The following XPO6 variants were observed in gnomAD, a reference collection of about 807,000 sequenced individuals.
The protein encoded by XPO6 is exportin 6.
A neutral mutation model predicts 130.0 loss-of-function variants in XPO6; 3 were observed. The ratio of observed to expected loss-of-function variants is 0.02; its 90% CI spans 0.01 to 0.06. The LOEUF is 0.06. Among genes scored for constraint, XPO6 ranks in the 10% least tolerant of loss-of-function variants. The probability of loss-of-function intolerance (pLI) is 1.00; values close to 1 mark genes in which losing one functional copy is unlikely to be tolerated. For missense variants in XPO6, 970 were observed against 1,393.0 expected, an observed-to-expected ratio of 0.70 and a Z score of 4.83; for synonymous variants, 524 against 548.9, an observed-to-expected ratio of 0.95 and a Z score of 0.63.
Position 28,132,263 on chromosome 16 carries a change from A to G in XPO6, c.1606+71T>C. ...GAAATCATGTTCCGACAGCAACGGC[A>G]GCAGTAATGAAATATCAGTCCGATG... On this transcript the variant is annotated intron_variant, in intron 12 of 23. Coordinates refer to ENST00000304658, the MANE Select transcript of XPO6 (RefSeq NM_015171.4). This position sits in a 1 kb window ranked among gnomAD's most constrained non-coding sequence, Gnocchi z 4.0. 8.7e-7 allele frequency: 1 copy of G among 1,154,362 alleles called. No homozygotes were observed. Among genetic ancestry groups the G allele is most frequent in the Non-Finnish European group, 1.3e-6 (1 of 788,458 alleles). 71.5% of individuals were successfully genotyped at this position (1,154,362 alleles called of 1,614,324 possible). A position where few individuals can be genotyped will look rare whatever the true frequency, so the allele number is the denominator to read the frequency against.
chr16:28,108,907 G>T (rs918082471), intron 17 of XPO6, among the ~76,000 whole-genome samples: 2 of 152,194 alleles, frequency 1.3e-5, no homozygotes, highest in African/African-American at 4.8e-5. Context: ...GAAGGAAGAC[G>T]CTTCTCGCCA....
At position 28,121,725 on chromosome 16, in the gene XPO6, A is replaced by G. The variant is rs538787302; in HGVS notation, c.1804T>C (p.Leu602=). 3 of 1,614,108 alleles carry G rather than the reference A, an allele frequency of 1.9e-6. No homozygotes were observed. Among genetic ancestry groups the G allele is most frequent in the East Asian group, 4.5e-5 (2 of 44,882 alleles). Reference sequence around the variant, plus strand: ...GGCACAGCAGTTTCAATGTTGTACAATTTTATCTGAGATCCGTACAGAGTG... The same window carrying G: ...GGCACAGCAGTTTCAATGTTGTACAGTTTTATCTGAGATCCGTACAGAGTG... ...KVTLYGSQIK[L]YNIETAVPSV... is the part of the protein sequence containing the mutation. The change falls in exon 14 of 24, where the codon TTG becomes CTG. Residue 602 remains leucine (L), a synonymous_variant. Transcript: ENST00000304658.
intron 4 of XPO6, among the ~76,000 whole-genome samples, chr16:28,174,638 T>C (rs1190277562): frequency 1.3e-5 from 2 of 152,232 alleles, no homozygotes; most frequent in African/African-American, 4.8e-5. Flanking sequence ...GAAGAATTTT[T>C]GTGCCCCTTT....
chr16:28,102,940 G>C (rs1334442197), intron 21 of XPO6, among the ~76,000 whole-genome samples: 1 of 152,122 alleles, frequency 6.6e-6, no homozygotes, highest in African/African-American at 2.4e-5. Context: ...TAAGCTACCA[G>C]AGGAGGATCT....
At chr16:28,194,580 G>A (rs1466162336) in intron 1 of XPO6, among the ~76,000 whole-genome samples, 1 of 152,106 alleles carries the variant, frequency 6.6e-6, no homozygotes, top group African/African-American at 2.4e-5. Flanking sequence ...CCCAAACCTA[G>A]TGTCTGTGAC....
At chr16:28,105,706 C>A in intron 20 of XPO6, 1 of 214,078 alleles carries the variant, frequency 4.7e-6, no homozygotes. Context: ...ATCCTCGAGA[C>A]CATGAATGTT....
At chr16:28,186,374 C>CTTTTTTTTTTTTTTTGTTTTTTTTTTT (rs2043694375) in intron 1 of XPO6, among the ~76,000 whole-genome samples, 1 of 81,442 alleles carries the variant, frequency 1.2e-5, no homozygotes, top group African/African-American at 6.6e-5. Context: ...CCCAGTTATT[C>CTTTTTTTTTTTTTTTGTTTTTTTTTTT]TTTTTTTTTT....
At chr16:28,177,405 T>A (rs1294606414) in intron 2 of XPO6, 73 bp from the exon 3 acceptor site, 3 of 833,084 alleles carry the variant, frequency 3.6e-6, no homozygotes, top group African/African-American at 3.5e-5. Flanking sequence ...GCTATCTTAT[T>A]ATTATTTAAA....
In XPO6 at chr16:28,158,218, A is replaced by G. The variant is rs566271264; in HGVS notation, c.644-1691T>C. Among the ~76,000 whole-genome samples the G allele has an allele frequency of 2.0e-4, 30 of 152,354 alleles. 1 individual carries two copies. The highest frequency in any genetic ancestry group is 6.7e-4 in the African/African-American group (28 of 41,590). On this transcript the variant is annotated intron_variant, in intron 6 of 23. Coordinates refer to ENST00000304658, the MANE Select transcript of XPO6 (RefSeq NM_015171.4). ...CAAACAGAAGACAGAGGTTATCTAC[A>G]TTAAAATGGCTGTTGATTACGGGGA...
At chr16:28,146,508 G>A in intron 8 of XPO6, among the ~76,000 whole-genome samples, 1 of 152,204 alleles carries the variant, frequency 6.6e-6, no homozygotes, top group Non-Finnish European at 1.5e-5. Context: ...GGCTCTTACA[G>A]ATCATCTAGT....
intron 21 of XPO6, among the ~76,000 whole-genome samples, chr16:28,102,741 A>AAAAAAAG (rs1296678125): frequency 6.6e-6 from 1 of 150,736 alleles, no homozygotes; most frequent in Non-Finnish European, 1.5e-5. Flanking sequence ...GACTTATCTC[A>AAAAAAAG]AAAAAAGAAA....
intron 6 of XPO6, among the ~76,000 whole-genome samples, chr16:28,159,991 G>C (rs1339554708): frequency 6.6e-6 from 1 of 151,878 alleles, no homozygotes; most frequent in Non-Finnish European, 1.5e-5. Context: ...TTCGAGACAA[G>C]CCCGGCCAAC....
At chr16:28,186,959 A>G (rs1250047886) in intron 1 of XPO6, among the ~76,000 whole-genome samples, 2 of 152,236 alleles carry the variant, frequency 1.3e-5, no homozygotes, top group African/African-American at 4.8e-5. Flanking sequence ...CTGGGATACA[A>G]TGATGAGTAA....
Position 28,177,253 on chromosome 16 carries a change from G to C in XPO6, c.174C>G (p.Asp58Glu), listed in dbSNP as rs774115381. 1 of 1,611,732 alleles carries C rather than the reference G, an allele frequency of 6.2e-7. No homozygotes were observed. Reference sequence around the variant, plus strand: ...CTGTTAAACTGTACATCATTACATAGTCATTCCTAGTGCTGGAGAGAAAGT... The same window carrying C: ...CTGTTAAACTGTACATCATTACATACTCATTCCTAGTGCTGGAGAGAAAGT... ...CLYFLSSTRNDYVMMYSLTVF... is the reference protein window; with the variant it reads ...CLYFLSSTRNEYVMMYSLTVF... Residue 58 changes from aspartate to glutamate, a missense_variant, in exon 3 of 24, where the codon GAC (aspartate) becomes GAG (glutamate). Physicochemically the swap from Asp to Glu is conservative, Grantham distance 45. This residue lies in a region of XPO6 where 13 missense variants were observed against 32.0 expected (regional missense o/e 0.41). Coordinates refer to ENST00000304658, the MANE Select transcript of XPO6 (RefSeq NM_015171.4).
intron 12 of XPO6, among the ~76,000 whole-genome samples, chr16:28,130,376 A>ATGAGAG (rs2042642052): frequency 6.6e-6 from 1 of 152,228 alleles, no homozygotes; most frequent in Non-Finnish European, 1.5e-5. Flanking sequence ...CCTATCAGGG[A>ATGAGAG]TGAGAGGGCA....
intron 13 of XPO6, among the ~76,000 whole-genome samples, chr16:28,124,448 T>C (rs1019849095): frequency 2.0e-5 from 3 of 152,204 alleles, no homozygotes; most frequent in African/African-American, 7.2e-5. Context: ...AAACATGTCT[T>C]ATCCCTGCTA....
At chr16:28,185,028 G>A (rs955084271) in intron 1 of XPO6, among the ~76,000 whole-genome samples, 4 of 152,100 alleles carry the variant, frequency 2.6e-5, no homozygotes, top group Admixed American at 6.5e-5. Flanking sequence ...CCAAATATCC[G>A]TCACCACTGG....
Position 28,106,198 on chromosome 16 carries a change from T to G in XPO6, c.2629A>C (p.Ser877Arg), listed in dbSNP as rs772531037. Residue 877 changes from serine (S) to arginine (R), a missense_variant, in exon 20 of 24, where the codon AGC becomes CGC. Coordinates refer to ENST00000304658, the MANE Select transcript of XPO6 (RefSeq NM_015171.4). This position sits in a 1 kb window ranked among gnomAD's most constrained non-coding sequence, Gnocchi z 4.2. Reference protein sequence around the residue: ...NMFTREQLAESILHEGSTGCR... With the variant: ...NMFTREQLAERILHEGSTGCR... ...CCTGTGCTGCCCTCGTGGAGGATGC[T>G]CTCGGCTAACTGCTCTCTACAGAGG... is the stretch of plus-strand genomic sequence containing the variant. 6.2e-7 allele frequency: 1 copy of G among 1,614,014 alleles called. No individual in the cohort carries two copies. Among genetic ancestry groups the G allele is most frequent in the African/African-American group, 1.3e-5 (1 of 74,938 alleles).
chr16:28,138,548 T>C (rs914872448), intron 9 of XPO6, among the ~76,000 whole-genome samples: 7 of 152,092 alleles, frequency 4.6e-5, no homozygotes, highest in Non-Finnish European at 7.4e-5. Flanking sequence ...CAAAGTGTCA[T>C]GTGGGAGGTG....
Sources: gnomAD v4.1 joint callset for allele counts (sites outside exome capture counted in the v4.1 genomes callset) on GRCh38, gnomAD v4.1.1 for gene constraint, gnomAD v4.1.1 regional missense constraint, Gnocchi (gnomAD v3.1) non-coding constraint, MANE v1.5 for transcripts, NCBI Gene and HGNC (gene_info 2026-07-23, HGNC 2026-07-21) for gene names.